Variants in DSTN observed in about 807,000 individuals in gnomAD.
DSTN encodes the protein destrin.
Under a neutral mutation model 16.8 loss-of-function variants are expected in DSTN, and 10 were observed. That is an observed-to-expected ratio of 0.60 (90% CI 0.37 to 1.01). DSTN has a LOEUF of 1.01. Ranked by LOEUF, DSTN falls within the 50% of genes least tolerant of loss-of-function variation. DSTN has a pLI of 0.01. For missense variants in DSTN, 141 were observed against 196.7 expected, an observed-to-expected ratio of 0.72 and a Z score of 1.69; for synonymous variants, 57 against 58.9, an observed-to-expected ratio of 0.97 and a Z score of 0.14.
At chr20:17,601,360 T>C (rs1247703078) in intron 2 of DSTN, among the ~76,000 whole-genome samples, 1 of 151,530 alleles carries the variant, frequency 6.6e-6, no homozygotes, top group Non-Finnish European at 1.5e-5. Context: ...TTCTTACTTA[T>C]AAGCCAAAAC....
chr20:17,584,534 C>A lies in DSTN; in HGVS notation c.3+14323C>A, dbSNP rs185373663. The stretch of plus-strand genomic sequence containing the variant: ...GGGCGTGTTGGCGCATGCCTGTAAT[C>A]CCAGCTACTCGGGAGGCTGAGGCAG... On this transcript the variant is annotated intron_variant, in intron 1 of 3. Coordinates refer to ENST00000246069, the MANE Select transcript of DSTN (RefSeq NM_006870.4). Among the ~76,000 whole-genome samples, 337 of 152,126 alleles carry A rather than the reference C, an allele frequency of 2.2e-3. 4 individuals are homozygous for A. Among genetic ancestry groups the A allele is most frequent in the African/African-American group, 7.6e-3 (316 of 41,510 alleles).
intron 1 of DSTN, among the ~76,000 whole-genome samples, chr20:17,592,829 T>C (rs1041865215): frequency 6.6e-6 from 1 of 152,222 alleles, no homozygotes; most frequent in African/African-American, 2.4e-5. Flanking sequence ...ATTGCACCTA[T>C]GCAGTTCCCA....
chr20:17,577,047 A>T (rs1311569176), intron 1 of DSTN, among the ~76,000 whole-genome samples: 1 of 152,260 alleles, frequency 6.6e-6, no homozygotes, highest in Admixed American at 6.5e-5. Context: ...TTTCACACAT[A>T]GAATTATTTA....
chr20:17,606,210 T>TG (rs2035641488), intron 3 of DSTN, among the ~76,000 whole-genome samples: 1 of 152,262 alleles, frequency 6.6e-6, no homozygotes, highest in African/African-American at 2.4e-5. Flanking sequence ...TGACCTGCTG[T>TG]GCTTTCAGCA....
chr20:17,601,428 C>T (rs1393828045), intron 2 of DSTN, among the ~76,000 whole-genome samples: 2 of 152,148 alleles, frequency 1.3e-5, no homozygotes, highest in Non-Finnish European at 2.9e-5. Context: ...TTTTAAATTA[C>T]ACCCCTTCCT....
rs1341061717 is a variant in DSTN, at chr20:17,588,556, C to T, written c.4-12182C>T. 3.9e-5 allele frequency among the ~76,000 whole-genome samples: 6 copies of T among 152,044 alleles called. No homozygotes were observed. In the East Asian group the frequency reaches 9.6e-4, roughly 24 times the overall value. ...CAGCACTTTGGGAGGCCGAGGCGGG[C>T]GGATCACAAGGTCAGGAGATCGAGA... is the stretch of plus-strand genomic sequence containing the variant. On this transcript the variant is annotated intron_variant, in intron 1 of 3. Transcript: ENST00000246069.
At position 17,607,052 on chromosome 20, in the gene DSTN, G is replaced by A. The variant is rs2035650468; in HGVS notation, c.404G>A (p.Cys135Tyr). The A allele has an allele frequency of 1.2e-6, 2 of 1,613,912 alleles. No individual in the cohort carries two copies. Among genetic ancestry groups the A allele is most frequent in the Non-Finnish European group, 1.7e-6 (2 of 1,179,966 alleles). ...TTCTCTCTAGGCATAAAACATGAAT[G>A]TCAAGCAAATGGACCAGAAGATCTC... Reference protein sequence around the residue: ...KKKFQGIKHECQANGPEDLNR... With the variant: ...KKKFQGIKHEYQANGPEDLNR... Residue 135 changes from cysteine to tyrosine, a missense_variant, in exon 4 of 4, where the codon TGT becomes TAT. By Grantham distance (194) the Cys-to-Tyr change is radical (BLOSUM62 -2). Coordinates refer to ENST00000246069, the MANE Select transcript of DSTN (RefSeq NM_006870.4).
rs756819966 is a variant in DSTN, at chr20:17,604,574, C to G, written c.331C>G (p.Leu111Val). 5 of 1,613,116 alleles carry G rather than the reference C, an allele frequency of 3.1e-6. No homozygotes were observed. The highest frequency in any genetic ancestry group is 1.7e-5 in the Admixed American group (1 of 59,724). Residue 111 changes from leucine to valine, a missense_variant, in exon 3 of 4, where the codon CTG (leucine) becomes GTG (valine). Transcript: ENST00000246069. The stretch of plus-strand genomic sequence containing the variant: ...ATCTAGGGCACCAGAACTAGCACCT[C>G]TGAAAAGTAAAATGATCTATGCAAG... ...FFLWAPELAP[L>V]KSKMIYASSK...
chr20:17,585,798 A>G (rs900456551), intron 1 of DSTN, among the ~76,000 whole-genome samples: 10 of 152,088 alleles, frequency 6.6e-5, no homozygotes, highest in East Asian at 1.9e-4. Context: ...TTTTGTCTCT[A>G]TAGTTTTACC....
intron 1 of DSTN, among the ~76,000 whole-genome samples, chr20:17,583,307 A>C (rs1390619186): frequency 8.4e-6 from 1 of 119,092 alleles, no homozygotes. Context: ...TAAACTTGGG[A>C]GCTACCGTAT....
intron 1 of DSTN, chr20:17,576,285 T>C (rs73258639): frequency 0.06 from 9,167 of 152,812 alleles, 418 homozygotes; most frequent in East Asian, 0.12. Flanking sequence ...ATTTTTTGTT[T>C]GGAGGTTCTA....
chr20:17,584,647 C>A, intron 1 of DSTN, among the ~76,000 whole-genome samples: 1 of 143,260 alleles, frequency 7.0e-6, no homozygotes, highest in African/African-American at 2.6e-5. Context: ...AACGAAACTC[C>A]GTCTCAAAAA....
intron 1 of DSTN, among the ~76,000 whole-genome samples, chr20:17,584,670 G>A (rs73258662): frequency 0.047 from 7,095 of 150,174 alleles, 553 homozygotes; most frequent in African/African-American, 0.16. Flanking sequence ...AAAAAAAAAG[G>A]CTTACCAGAG....
In DSTN at chr20:17,575,701, G is replaced by A. The variant is rs147982771; in HGVS notation, c.3+5490G>A. Among the ~76,000 whole-genome samples, 9 of 152,130 alleles carry A rather than the reference G, an allele frequency of 5.9e-5. No individual in the cohort carries two copies. The East Asian group carries it at 1.5e-3, about 26-fold the overall frequency. On this transcript the variant is annotated intron_variant, in intron 1 of 3. Transcript: ENST00000246069. Reference sequence around the variant, plus strand: ...TAAATATAAATTTATATATAAAGACGGGGTTTATAAAGATGGGGTTTCACC... The same window carrying A: ...TAAATATAAATTTATATATAAAGACAGGGTTTATAAAGATGGGGTTTCACC...
chr20:17,584,909 A>T (rs1454675438), intron 1 of DSTN, among the ~76,000 whole-genome samples: 1 of 152,202 alleles, frequency 6.6e-6, no homozygotes, highest in Non-Finnish European at 1.5e-5. Flanking sequence ...CAGCTGCATC[A>T]GGAACTATCC....
At chr20:17,593,983 AG>A (rs2035498598) in intron 1 of DSTN, among the ~76,000 whole-genome samples, 1 of 152,050 alleles carries the variant, frequency 6.6e-6, no homozygotes, top group Non-Finnish European at 1.5e-5. Context: ...CAGGAAGCTG[AG>A]GTGGGAGGAT....
intron 1 of DSTN, among the ~76,000 whole-genome samples, chr20:17,594,132 C>CT (rs2035500639): frequency 6.9e-6 from 1 of 144,124 alleles, no homozygotes; most frequent in Non-Finnish European, 1.5e-5. Flanking sequence ...TATTTTTTAC[C>CT]TTCAGATCAA....
At chr20:17,592,188 G>A (rs2035476969) in intron 1 of DSTN, 1 of 755,952 alleles carries the variant, frequency 1.3e-6, no homozygotes, top group Admixed American at 6.3e-5. Context: ...CATTTTGGGA[G>A]GCCAAGGCAG....
chr20:17,597,968 T>C (rs1600710751), intron 1 of DSTN, among the ~76,000 whole-genome samples: 1 of 151,518 alleles, frequency 6.6e-6, no homozygotes, highest in South Asian at 2.1e-4. Flanking sequence ...CTGTCTGGCT[T>C]CTTTCACTTA....
Sources: gnomAD v4.1 joint callset for allele counts (sites outside exome capture counted in the v4.1 genomes callset) on GRCh38, gnomAD v4.1.1 for gene constraint, MANE v1.5 for transcripts, NCBI Gene and HGNC (gene_info 2026-07-23, HGNC 2026-07-21) for gene names.